Variants in LGR5 observed in about 807,000 individuals in gnomAD.
LGR5 encodes leucine-rich repeat-containing G protein-coupled receptor 5.
A neutral mutation model predicts 76.7 loss-of-function variants in LGR5; 54 were observed. That is an observed-to-expected ratio of 0.70 (90% CI 0.57 to 0.88). The LOEUF is 0.88. LGR5 is among the 40% of genes least tolerant of loss of function. The pLI is 0.00. For missense variants in LGR5, 1,078 were observed against 1,073.3 expected (o/e 1.00, Z -0.06); for synonymous variants, 406 against 421.9 (o/e 0.96, Z 0.46).
intron 3 of LGR5, among the ~76,000 whole-genome samples, chr12:71,534,149 A>G (rs573658585): frequency 1.7e-5 from 2 of 116,592 alleles, no homozygotes; most frequent in South Asian, 7.4e-4. Context: ...TCAGGCTTAC[A>G]TGGACTACAA....
chr12:71,478,037 AT>A (rs1243497122), intron 1 of LGR5, among the ~76,000 whole-genome samples: 5 of 151,764 alleles, frequency 3.3e-5, no homozygotes, highest in African/African-American at 9.7e-5. Context: ...AGATATCCTC[AT>A]TTTTTTTCTC....
chr12:71,582,462 G>A lies in LGR5; in HGVS notation c.1559G>A (p.Arg520His), dbSNP rs377564190. 6.8e-6 allele frequency: 11 copies of A among 1,613,770 alleles called. No homozygotes were observed. The highest frequency in any genetic ancestry group is 5.3e-5 in the African/African-American group (4 of 74,892). ...AGGACTTCTTGTGCTGCAGATGAAC[G>A]TGACCTTGAAGATTTCCTGCTTGAC... Reference protein sequence around the residue: ...DAGMFQAQDERDLEDFLLDFE... With the variant: ...DAGMFQAQDEHDLEDFLLDFE... Residue 520 changes from arginine (R) to histidine (H), a missense_variant, in exon 17 of 18, where the codon CGT becomes CAT. Arg to His is a conservative substitution (Grantham distance 29). Coordinates refer to ENST00000266674, the MANE Select transcript of LGR5 (RefSeq NM_003667.4).
chr12:71,511,540 G>A (rs900912147), intron 2 of LGR5, among the ~76,000 whole-genome samples: 4 of 152,090 alleles, frequency 2.6e-5, no homozygotes, highest in Non-Finnish European at 5.9e-5. Context: ...GTAAAACCAC[G>A]CATCTCTGGG....
chr12:71,547,366 G>C lies in LGR5; in HGVS notation c.429-5707G>C, dbSNP rs1877238953. Among the ~76,000 whole-genome samples, 3 of 152,270 alleles carry C rather than the reference G, an allele frequency of 2.0e-5. No homozygotes were observed. In the South Asian group the frequency reaches 6.2e-4, roughly 32 times the overall value. On this transcript the variant is annotated intron_variant, in intron 4 of 17. Coordinates refer to ENST00000266674, the MANE Select transcript of LGR5 (RefSeq NM_003667.4). ...ATGTATGGTAAATAGAGAAACACCA[G>C]CCCATATGGCAAGAAAATGGCAATC...
intron 1 of LGR5, among the ~76,000 whole-genome samples, chr12:71,479,401 A>C (rs1592475026): frequency 6.6e-6 from 1 of 152,224 alleles, no homozygotes; most frequent in African/African-American, 2.4e-5. Context: ...TCAGCTGGTC[A>C]ATCAACTGGA....
intron 1 of LGR5, among the ~76,000 whole-genome samples, chr12:71,447,427 A>C (rs1872049972): frequency 6.6e-6 from 1 of 152,214 alleles, no homozygotes; most frequent in African/African-American, 2.4e-5. Flanking sequence ...AACAGTACTG[A>C]TGTTTAGAAA....
At position 71,584,165 on chromosome 12, in the gene LGR5, G is replaced by C. The variant is rs1353728566; in HGVS notation, c.2155G>C (p.Glu719Gln). The change falls in exon 18 of 18, where the codon GAG becomes CAG. Residue 719 changes from glutamate to glutamine, a missense_variant. Coordinates refer to ENST00000266674, the MANE Select transcript of LGR5 (RefSeq NM_003667.4). Reference sequence around the variant, plus strand: ...TCTCTGCCTGCCTTTGCCTTTTGGGGAGCCCAGCACCATGGGCTACATGGT... The same window carrying C: ...TCTCTGCCTGCCTTTGCCTTTTGGGCAGCCCAGCACCATGGGCTACATGGT... ...SPLCLPLPFGEPSTMGYMVAL... is the reference protein window; with the variant it reads ...SPLCLPLPFGQPSTMGYMVAL... 1.2e-6 allele frequency: 2 copies of C among 1,614,172 alleles called. No homozygotes were observed. Among genetic ancestry groups the C allele is most frequent in the Non-Finnish European group, 1.7e-6 (2 of 1,180,028 alleles).
At chr12:71,487,337 A>G (rs1295217140) in intron 1 of LGR5, among the ~76,000 whole-genome samples, 2 of 152,188 alleles carry the variant, frequency 1.3e-5, no homozygotes, top group Non-Finnish European at 1.5e-5. Context: ...CAAAAGTATT[A>G]ATTTTATACA....
At chr12:71,566,504 T>A in intron 9 of LGR5, 29 bp downstream of exon 9, 1 of 1,564,698 alleles carries the variant, frequency 6.4e-7, no homozygotes, top group South Asian at 1.1e-5. Flanking sequence ...TATGGATCAC[T>A]TTCCCTCTAC....
At chr12:71,541,124 TGAG>T (rs1481824524) in intron 4 of LGR5, among the ~76,000 whole-genome samples, 5 of 152,284 alleles carry the variant, frequency 3.3e-5, no homozygotes, top group African/African-American at 1.2e-4. Context: ...TGAATTCTTA[TGAG>T]GAGGAAAAGT....
intron 13 of LGR5, among the ~76,000 whole-genome samples, chr12:71,577,654 C>A (rs1255063440): frequency 1.3e-5 from 2 of 152,174 alleles, no homozygotes; most frequent in Non-Finnish European, 2.9e-5. Context: ...AATTTTACAA[C>A]CATGTTAAAG....
chr12:71,524,669 A>G (rs565810278), intron 3 of LGR5, among the ~76,000 whole-genome samples, 192 bp downstream of exon 3: 3 of 152,186 alleles, frequency 2.0e-5, no homozygotes, highest in Non-Finnish European at 4.4e-5. Flanking sequence ...AAAAAAATTC[A>G]TCTCTCCTTT....
chr12:71,524,876 TGAA>T (rs1001626506), intron 3 of LGR5, among the ~76,000 whole-genome samples: 10 of 151,966 alleles, frequency 6.6e-5, no homozygotes, highest in Admixed American at 2.6e-4. Flanking sequence ...CAAAGGGGAG[TGAA>T]TAAGCATCAG....
At chr12:71,557,835 A>G (rs1407932422) in intron 6 of LGR5, among the ~76,000 whole-genome samples, 1 of 152,188 alleles carries the variant, frequency 6.6e-6, no homozygotes, top group Non-Finnish European at 1.5e-5. Context: ...GCAATAAACC[A>G]CACAGGTCAC....
At chr12:71,495,099 C>A (rs1874255654) in intron 1 of LGR5, among the ~76,000 whole-genome samples, 1 of 150,808 alleles carries the variant, frequency 6.6e-6, no homozygotes, top group Non-Finnish European at 1.5e-5. Context: ...TCCTTTGAAT[C>A]CCACTTCTGA....
At chr12:71,555,447 T>C (rs981502012) in intron 5 of LGR5, among the ~76,000 whole-genome samples, 1 of 152,188 alleles carries the variant, frequency 6.6e-6, no homozygotes, top group African/African-American at 2.4e-5. Context: ...ACTTACCAAT[T>C]GAACCAAAGA....
intron 1 of LGR5, among the ~76,000 whole-genome samples, chr12:71,460,967 A>G (rs1326843081): frequency 6.6e-6 from 1 of 152,202 alleles, no homozygotes; most frequent in African/African-American, 2.4e-5. Context: ...AAAGGCTTTC[A>G]GAAATCATTG....
chr12:71,506,183 A>G (rs1001988514), intron 2 of LGR5, among the ~76,000 whole-genome samples: 2 of 152,084 alleles, frequency 1.3e-5, no homozygotes, highest in Non-Finnish European at 2.9e-5. Context: ...TGTTCTCCCT[A>G]TACTTCCACA....
rs1874766351 is a variant in LGR5 at position 71,504,605 on chromosome 12, C to T, written c.213-9C>T. ...CTGCTCCTCACACGCTGTCTGTTTT[C>T]CCCCCCAGAGACCTCAGTATGAACA... On this transcript the variant is annotated splice_polypyrimidine_tract_variant and intron_variant, in intron 1 of 17. Coordinates refer to ENST00000266674, the MANE Select transcript of LGR5 (RefSeq NM_003667.4). 6.2e-7 allele frequency: 1 copy of T among 1,610,190 alleles called. No homozygotes were observed. The highest frequency in any genetic ancestry group is 1.1e-5 in the South Asian group (1 of 90,906).
Sources: allele counts gnomAD v4.1 joint callset (sites outside exome capture counted in the v4.1 genomes callset), GRCh38; gene constraint gnomAD v4.1.1; transcripts MANE v1.5; gene names NCBI Gene and HGNC (gene_info 2026-07-23, HGNC 2026-07-21).